ABR: variants seen among roughly 807,000 people sequenced by gnomAD.
ABR encodes the protein active breakpoint cluster region-related protein.
A neutral mutation model predicts 107.2 loss-of-function variants in ABR; 35 were observed. The observed-to-expected ratio is 0.33, with a 90% CI of 0.25 to 0.43. The LOEUF is 0.43. Among genes scored for constraint, ABR ranks in the 20% least tolerant of loss-of-function variants. The pLI is 1.00. For missense variants in ABR, 815 were observed against 1,115.2 expected (o/e 0.73, Z 3.83); for synonymous variants, 498 against 462.0 (o/e 1.08, Z -1.00).
chr17:1,199,398 T>G (rs1480769969), intron 1 of ABR, among the ~76,000 whole-genome samples: 1 of 150,380 alleles, frequency 6.6e-6, no homozygotes, highest in Admixed American at 6.6e-5. Flanking sequence ...CTGTTGGGGT[T>G]TTTGTTTTCT....
chr17:1,139,455 T>C (rs1027592490), intron 1 of ABR, among the ~76,000 whole-genome samples: 19 of 152,090 alleles, frequency 1.2e-4, no homozygotes, highest in African/African-American at 4.3e-4. Flanking sequence ...GGTTTCACCG[T>C]GTTAGCCAAG....
chr17:1,156,986 G>A (rs2041069820), intron 1 of ABR, among the ~76,000 whole-genome samples: 1 of 152,180 alleles, frequency 6.6e-6, no homozygotes, highest in African/African-American at 2.4e-5. Context: ...TCAATGTCAG[G>A]CTCTGACGCA....
intron 16 of ABR, among the ~76,000 whole-genome samples, chr17:1,021,776 C>T (rs1211478165): frequency 8.6e-5 from 13 of 150,376 alleles, no homozygotes; most frequent in Non-Finnish European, 3.0e-5. Context: ...TGCCACTGCA[C>T]TCCAGCCTGG....
At chr17:1,189,940 C>G (rs1039534427), upstream of ABR, among the ~76,000 whole-genome samples, 10 of 152,194 alleles carry the variant, frequency 6.6e-5, no homozygotes, top group Non-Finnish European at 1.5e-4. Flanking sequence ...TATTCCTGGT[C>G]ACAAAGAGCC....
At chr17:1,129,653 T>TA (rs1172085952) in intron 1 of ABR, among the ~76,000 whole-genome samples, 2 of 151,374 alleles carry the variant, frequency 1.3e-5, no homozygotes, top group Non-Finnish European at 2.9e-5. Context: ...CCGAAATACA[T>TA]AAAAAATAAG....
intron 21 of ABR, among the ~76,000 whole-genome samples, chr17:1,008,937 G>A (rs546748113): frequency 6.6e-6 from 1 of 152,324 alleles, no homozygotes; most frequent in East Asian, 1.9e-4. Flanking sequence ...TTTAGGATCT[G>A]GAAGTTGAGG....
chr17:1,196,725 T>C (rs1043904188), intron 1 of ABR, among the ~76,000 whole-genome samples: 4 of 150,636 alleles, frequency 2.7e-5, no homozygotes, highest in South Asian at 2.1e-4. Context: ...GACGGAGTCT[T>C]GCTCTGTCGC....
At chr17:1,190,167 GT>G (rs2042400163), upstream of ABR, among the ~76,000 whole-genome samples, 2 of 152,182 alleles carry the variant, frequency 1.3e-5, no homozygotes, top group South Asian at 4.1e-4. Flanking sequence ...AAATTCCCCA[GT>G]GCACAGGGTT....
rs762172594 is a variant in ABR, at chr17:1,172,964, CTCAGCCCACCCAACA to C, written c.61+6688_61+6702del. On this transcript the variant is annotated intron_variant, in intron 1 of 22. Coordinates refer to ENST00000302538, the MANE Select transcript of ABR (RefSeq NM_021962.5). Reference sequence around the variant, plus strand: ...GCAGGTAATCCACCCCCCCCATCACCTCAGCCCACCCAACACATCACCTCAGTCCACCCAACACAT... The same window carrying C: ...GCAGGTAATCCACCCCCCCCATCACCCATCACCTCAGTCCACCCAACACAT... 1.4e-4 allele frequency among the ~76,000 whole-genome samples: 14 copies of C among 103,098 alleles called. 1 individual carries two copies. The highest frequency in any genetic ancestry group is 2.2e-4 in the Non-Finnish European group (9 of 41,094). 67.6% of individuals were successfully genotyped at this position (103,098 alleles called of 152,430 possible). A position where few individuals can be genotyped will look rare whatever the true frequency, so the allele number is the denominator to read the frequency against.
At position 1,071,120 on chromosome 17, in the gene ABR, C is replaced by T. The variant is rs893965244; in HGVS notation, c.895-1030G>A. 2.0e-5 allele frequency among the ~76,000 whole-genome samples: 3 copies of T among 152,122 alleles called. No homozygotes were observed. The highest frequency in any genetic ancestry group is 4.4e-5 in the Non-Finnish European group (3 of 68,016). On this transcript the variant is annotated intron_variant, in intron 8 of 22. Coordinates refer to ENST00000302538, the MANE Select transcript of ABR (RefSeq NM_021962.5). The surrounding 1 kb of genome is among the most constrained non-coding windows in gnomAD (Gnocchi z 5.1). ...GGAGGCTGCAGTGGAGCTGAGGTCACGCCATTGCACTCCAGCCTGGACGAT... is the reference window on the plus strand; with the variant it reads ...GGAGGCTGCAGTGGAGCTGAGGTCATGCCATTGCACTCCAGCCTGGACGAT...
At chr17:1,101,789 A>T (rs1455248937) in intron 2 of ABR, among the ~76,000 whole-genome samples, 2 of 149,612 alleles carry the variant, frequency 1.3e-5, no homozygotes, top group African/African-American at 2.5e-5. Flanking sequence ...GCTAGAGTGC[A>T]GTGGCGCGAT....
rs150742366 is a variant in ABR, at chr17:1,020,017, G to A, written c.1792-6853C>T. The stretch of plus-strand genomic sequence containing the variant: ...GCAAAACATCGTGGAGCCAAAAGGC[G>A]GACGAACGACTGGGCCAGGGGTCGA... On this transcript the variant is annotated intron_variant, in intron 16 of 22. Coordinates refer to ENST00000302538, the MANE Select transcript of ABR (RefSeq NM_021962.5). Among the ~76,000 whole-genome samples, 62 of 152,348 alleles carry A rather than the reference G, an allele frequency of 4.1e-4. 1 individual carries two copies. In the East Asian group the frequency reaches 9.1e-3, roughly 22 times the overall value.
At chr17:1,216,581 G>T (rs545789972) in intron 1 of ABR, among the ~76,000 whole-genome samples, 1 of 152,310 alleles carries the variant, frequency 6.6e-6, no homozygotes, top group South Asian at 2.1e-4. Context: ...AATCCAGATT[G>T]CTAGGTAAAA....
chr17:1,186,034 G>A (rs1454915191), intron 1 of ABR, among the ~76,000 whole-genome samples: 3 of 151,970 alleles, frequency 2.0e-5, no homozygotes, highest in Non-Finnish European at 4.4e-5. Context: ...ATGGGGTTTC[G>A]CCATGTTGGC....
Position 1,050,285 on chromosome 17 carries a change from G to T in ABR, c.1660-104C>A. The T allele has an allele frequency of 7.1e-7, 1 of 1,411,430 alleles. No homozygotes were observed. Among genetic ancestry groups the T allele is most frequent in the Non-Finnish European group, 9.6e-7 (1 of 1,045,646 alleles). The allele number at this position is 1,411,430 out of a possible 1,614,324, so 87.4% of individuals were successfully genotyped here. A position where few individuals can be genotyped will look rare whatever the true frequency, so the allele number is the denominator to read the frequency against. Reference sequence around the variant, plus strand: ...TTGCAAGGAGGAGGGAGTAAGCACGGCCCACGAAGGACACGTCAGATTTTC... The same window carrying T: ...TTGCAAGGAGGAGGGAGTAAGCACGTCCCACGAAGGACACGTCAGATTTTC... On this transcript the variant is annotated intron_variant, in intron 15 of 22. Transcript: ENST00000302538. The surrounding 1 kb of genome is among the most constrained non-coding windows in gnomAD (Gnocchi z 4.6).
chr17:1,193,795 A>C (rs888470761), intron 1 of ABR, among the ~76,000 whole-genome samples: 2 of 151,922 alleles, frequency 1.3e-5, no homozygotes, highest in African/African-American at 4.8e-5. Context: ...GGTTGAAGCG[A>C]TTCACCTGCC....
Position 1,179,614 on chromosome 17 carries a change from T to A in ABR, c.61+53A>T. On this transcript the variant is annotated intron_variant, in intron 1 of 22. Transcript: ENST00000302538. This position sits in a 1 kb window ranked among gnomAD's most constrained non-coding sequence, Gnocchi z 4.9. ...CCCGATCCTGGGGTCCCGATCTCCA[T>A]CCTGGGGTCCCGATCCCGATCCTGG... 2 of 1,447,324 alleles carry A rather than the reference T, an allele frequency of 1.4e-6. No homozygotes were observed. The highest frequency in any genetic ancestry group is 1.8e-6 in the Non-Finnish European group (2 of 1,093,200). The allele number at this position is 1,447,324 out of a possible 1,614,324, so 89.7% of individuals were successfully genotyped here.
At chr17:1,089,735 G>A (rs1471677227) in intron 4 of ABR, among the ~76,000 whole-genome samples, 4 of 152,202 alleles carry the variant, frequency 2.6e-5, no homozygotes, top group Non-Finnish European at 5.9e-5. Context: ...CGAGGCGGGC[G>A]GATCACCTGA....
intron 1 of ABR, among the ~76,000 whole-genome samples, chr17:1,126,101 C>T (rs1567800257): frequency 6.6e-6 from 1 of 152,210 alleles, no homozygotes; most frequent in African/African-American, 2.4e-5. Context: ...GGGCTGCCAG[C>T]ACCACTTGGG....
Sources: gnomAD v4.1 joint callset for allele counts (sites outside exome capture counted in the v4.1 genomes callset) on GRCh38, gnomAD v4.1.1 for gene constraint, Gnocchi (gnomAD v3.1) non-coding constraint, MANE v1.5 for transcripts, NCBI Gene and HGNC (gene_info 2026-07-23, HGNC 2026-07-21) for gene names.